NT5DC1: variants seen among roughly 807,000 people sequenced by gnomAD.
The protein encoded by NT5DC1 is 5'-nucleotidase domain-containing protein 1.
NT5DC1 carries 42 observed loss-of-function variants against 59.4 expected under a neutral mutation model. That is an observed-to-expected ratio of 0.71 (90% CI 0.55 to 0.92). NT5DC1 has a LOEUF of 0.92. Ranked by LOEUF, NT5DC1 falls within the 40% of genes least tolerant of loss-of-function variation. The probability of loss-of-function intolerance (pLI) is 0.00; values close to 1 mark genes in which losing one functional copy is unlikely to be tolerated. For synonymous variants in NT5DC1, 172 were observed against 188.1 expected, an observed-to-expected ratio of 0.91 and a Z score of 0.70; for missense variants, 501 against 537.1, an observed-to-expected ratio of 0.93 and a Z score of 0.66.
intron 6 of NT5DC1, among the ~76,000 whole-genome samples, chr6:116,204,762 C>G (rs1192072506): frequency 6.6e-6 from 1 of 151,878 alleles, no homozygotes; most frequent in Non-Finnish European, 1.5e-5. Context: ...TGAAGCGTTT[C>G]TAGAATGTAA....
intron 6 of NT5DC1, among the ~76,000 whole-genome samples, chr6:116,154,454 C>T (rs1299538652): frequency 6.6e-6 from 1 of 152,044 alleles, no homozygotes; most frequent in Non-Finnish European, 1.5e-5. Flanking sequence ...ACATTATACT[C>T]CTTGCTACAG....
chr6:116,199,090 C>T (rs1226988628), intron 6 of NT5DC1, among the ~76,000 whole-genome samples: 1 of 151,960 alleles, frequency 6.6e-6, no homozygotes, highest in African/African-American at 2.4e-5. Context: ...CTCCACCCAC[C>T]AGAAATTGCC....
intron 6 of NT5DC1, chr6:116,120,680 C>T: frequency 6.5e-7 from 1 of 1,545,722 alleles, no homozygotes; most frequent in South Asian, 1.3e-5. Flanking sequence ...AGTTGCTATG[C>T]CAGCTGGGCC....
At chr6:116,180,940 T>C (rs1444585686) in intron 6 of NT5DC1, among the ~76,000 whole-genome samples, 1 of 152,078 alleles carries the variant, frequency 6.6e-6, no homozygotes, top group Non-Finnish European at 1.5e-5. Flanking sequence ...CACTAACTGA[T>C]ATATGATGAT....
intron 8 of NT5DC1, among the ~76,000 whole-genome samples, chr6:116,227,575 TC>T (rs1462810690): frequency 6.6e-6 from 1 of 152,176 alleles, no homozygotes; most frequent in Non-Finnish European, 1.5e-5. Context: ...TAATTTACAA[TC>T]CCACCAAGAA....
intron 5 of NT5DC1, among the ~76,000 whole-genome samples, chr6:116,116,889 T>C (rs2114264102): frequency 6.6e-6 from 1 of 152,256 alleles, no homozygotes; most frequent in Admixed American, 6.5e-5. Context: ...AGTCTGTCTT[T>C]GTTTAGATAG....
chr6:116,221,030 C>A lies in NT5DC1; in HGVS notation c.530-24C>A. The A allele has an allele frequency of 3.5e-6, 4 of 1,139,014 alleles. No individual in the cohort carries two copies. The South Asian group carries it at 4.2e-5, about 12-fold the overall frequency. The allele number at this position is 1,139,014 out of a possible 1,614,324, so 70.6% of individuals were successfully genotyped here. On this transcript the variant is annotated intron_variant, in intron 6 of 11. Transcript: ENST00000319550. ...TCAAAAAATGTTTAAAAAGAAAAAC[C>A]TCATTGATATTTTTATTTTTCAGAA... is the stretch of plus-strand genomic sequence containing the variant.
At chr6:116,219,608 A>G (rs1781753571) in intron 6 of NT5DC1, among the ~76,000 whole-genome samples, 1 of 152,114 alleles carries the variant, frequency 6.6e-6, no homozygotes, top group South Asian at 2.1e-4. Context: ...GAGGCAGACC[A>G]CAATATTTGC....
intron 6 of NT5DC1, chr6:116,126,187 G>A (rs967623588): frequency 5.9e-5 from 9 of 152,092 alleles, no homozygotes; most frequent in African/African-American, 2.2e-4. Context: ...ACTACATGAG[G>A]TTACCCTGAG....
At chr6:116,169,980 A>G (rs1780568119) in intron 6 of NT5DC1, among the ~76,000 whole-genome samples, 2 of 152,166 alleles carry the variant, frequency 1.3e-5, no homozygotes, top group Admixed American at 6.5e-5. Flanking sequence ...AACAAAGAGA[A>G]TTAGTCACCT....
chr6:116,227,992 T>C (rs1337767060), intron 8 of NT5DC1, among the ~76,000 whole-genome samples: 1 of 152,226 alleles, frequency 6.6e-6, no homozygotes, highest in Non-Finnish European at 1.5e-5. Flanking sequence ...TTTGCTTTTG[T>C]TGTCTGTGCA....
intron 6 of NT5DC1, among the ~76,000 whole-genome samples, chr6:116,165,445 TTTC>T (rs1006799790): frequency 1.9e-4 from 29 of 152,234 alleles, no homozygotes; most frequent in Non-Finnish European, 3.8e-4. Flanking sequence ...TTGCTTACTT[TTTC>T]TTCTTCTTTC....
At chr6:116,114,645 A>G (rs1373655501) in intron 4 of NT5DC1, among the ~76,000 whole-genome samples, 1 of 152,172 alleles carries the variant, frequency 6.6e-6, no homozygotes, top group Non-Finnish European at 1.5e-5. Flanking sequence ...CTTTGTATCA[A>G]GCGTTCTCTA....
chr6:116,164,215 T>G (rs1780413042), intron 6 of NT5DC1, among the ~76,000 whole-genome samples: 2 of 152,228 alleles, frequency 1.3e-5, no homozygotes, highest in Admixed American at 6.5e-5. Context: ...ATTGTATGGC[T>G]TTTTATTTTA....
rs972740311 is a variant in NT5DC1 at position 116,247,276 on chromosome 6, T to C, written c.*3252T>C. On this transcript the variant is annotated 3_prime_UTR_variant, in exon 12 of 12. Coordinates refer to ENST00000319550, the MANE Select transcript of NT5DC1 (RefSeq NM_152729.3). ...AAGTAATTCATAATTTAGCCAAATA[T>C]ATTAAATATCTGTAATATAAAACTT... 4 of 152,164 alleles carry C rather than the reference T, an allele frequency of 2.6e-5. No homozygotes were observed. The highest frequency in any genetic ancestry group is 6.5e-5 in the Admixed American group (1 of 15,276). 9.4% of individuals were successfully genotyped at this position (152,164 alleles called of 1,614,324 possible). A position where few individuals can be genotyped will look rare whatever the true frequency, so the allele number is the denominator to read the frequency against.
chr6:116,116,232 A>T (rs535722341), intron 5 of NT5DC1, among the ~76,000 whole-genome samples: 1 of 152,234 alleles, frequency 6.6e-6, no homozygotes, highest in African/African-American at 2.4e-5. Flanking sequence ...TTTGTACTGT[A>T]TATCAAGATT....
chr6:116,103,194 A>T (rs536984348), intron 1 of NT5DC1, among the ~76,000 whole-genome samples: 1 of 152,212 alleles, frequency 6.6e-6, no homozygotes, highest in African/African-American at 2.4e-5. Flanking sequence ...ACTGGACTCA[A>T]TAAATAGACT....
chr6:116,147,736 G>T (rs987293205), intron 6 of NT5DC1, among the ~76,000 whole-genome samples: 13 of 152,114 alleles, frequency 8.5e-5, no homozygotes, highest in Non-Finnish European at 1.8e-4. Flanking sequence ...ATATCTCTAA[G>T]AATTTATATT....
At chr6:116,154,531 GA>G (rs201589052) in intron 6 of NT5DC1, among the ~76,000 whole-genome samples, 14 of 150,586 alleles carry the variant, frequency 9.3e-5, no homozygotes, top group Admixed American at 5.3e-4. Context: ...AAATGCTGAT[GA>G]AAAAAAAATA....
Sources: allele counts gnomAD v4.1 joint callset (sites outside exome capture counted in the v4.1 genomes callset), GRCh38; gene constraint gnomAD v4.1.1; transcripts MANE v1.5; gene names NCBI Gene and HGNC (gene_info 2026-07-23, HGNC 2026-07-21).